Variants in SAMD5 observed in about 807,000 individuals in gnomAD.
SAMD5 encodes the protein sterile alpha motif domain-containing protein 5.
A neutral mutation model predicts 11.3 loss-of-function variants in SAMD5; 13 were observed. The observed-to-expected ratio is 1.15, with a 90% CI of 0.75 to 1.83. The LOEUF is 1.83. Among genes scored for constraint, SAMD5 ranks in the 40% most tolerant of loss-of-function variants. The probability of loss-of-function intolerance (pLI) is 0.00; values close to 1 mark genes in which losing one functional copy is unlikely to be tolerated. For synonymous variants in SAMD5, 129 were observed against 111.3 expected (o/e 1.16, Z -1.00); for missense variants, 255 against 239.1 (o/e 1.07, Z -0.44).
At chr6:147,882,134 G>A in the SAMD5 span, among the ~76,000 whole-genome samples, 3 of 152,036 alleles carry the variant, frequency 2.0e-5, no homozygotes, top group Admixed American at 6.6e-5. Flanking sequence ...CAGTTGTAGC[G>A]GCTTTCTTTT....
the SAMD5 span, among the ~76,000 whole-genome samples, chr6:147,936,558 C>G: frequency 6.6e-6 from 1 of 152,078 alleles, no homozygotes. Flanking sequence ...GAGAAATTCA[C>G]CCCCGTGATC....
chr6:147,531,587 G>T (rs1788430970), intron 1 of SAMD5, among the ~76,000 whole-genome samples: 2 of 152,088 alleles, frequency 1.3e-5, no homozygotes, highest in African/African-American at 4.8e-5. Context: ...TTTTCATTTT[G>T]CCCATCAGTG....
chr6:147,775,104 C>T, the SAMD5 span, among the ~76,000 whole-genome samples: 3 of 152,068 alleles, frequency 2.0e-5, no homozygotes, highest in East Asian at 1.9e-4. Flanking sequence ...TTGATTTTAT[C>T]GGGCTTATGT....
intron 1 of SAMD5, among the ~76,000 whole-genome samples, chr6:147,667,174 G>A (rs1790734638): frequency 6.6e-6 from 1 of 152,170 alleles, no homozygotes; most frequent in African/African-American, 2.4e-5. Context: ...AGTTTACAGA[G>A]ATAAGCATAA....
At chr6:147,648,977 A>G (rs1790444293) in intron 1 of SAMD5, among the ~76,000 whole-genome samples, 1 of 152,368 alleles carries the variant, frequency 6.6e-6, no homozygotes, top group Middle Eastern at 3.4e-3. Context: ...CCCTGCAATG[A>G]AGAATTAATC....
chr6:147,553,519 CT>C (rs1427554130), intron 1 of SAMD5, among the ~76,000 whole-genome samples: 1 of 152,188 alleles, frequency 6.6e-6, no homozygotes, highest in Non-Finnish European at 1.5e-5. Flanking sequence ...TACAACCACT[CT>C]GGACCCACGC....
At chr6:147,680,888 T>A (rs1790931025) in intron 1 of SAMD5, among the ~76,000 whole-genome samples, 1 of 152,166 alleles carries the variant, frequency 6.6e-6, no homozygotes, top group South Asian at 2.1e-4. Context: ...ATTACTGGAT[T>A]TGATTAGCTA....
the SAMD5 span, among the ~76,000 whole-genome samples, chr6:147,752,199 C>T: frequency 6.6e-6 from 1 of 152,062 alleles, no homozygotes; most frequent in Non-Finnish European, 1.5e-5. Context: ...TGATATGTCC[C>T]TCTGACAAGT....
chr6:147,786,357 A>G, the SAMD5 span, among the ~76,000 whole-genome samples: 1 of 152,198 alleles, frequency 6.6e-6, no homozygotes, highest in South Asian at 2.1e-4. Context: ...CTTGTTTTAT[A>G]GTGACGTTAT....
the SAMD5 span, among the ~76,000 whole-genome samples, chr6:147,811,362 AAG>A: frequency 2.6e-5 from 4 of 152,216 alleles, no homozygotes; most frequent in South Asian, 2.1e-4. Flanking sequence ...TATGGCAAGA[AAG>A]AGTATAGCAG....
intron 1 of SAMD5, among the ~76,000 whole-genome samples, chr6:147,708,188 C>G (rs551217386): frequency 6.6e-6 from 1 of 152,010 alleles, no homozygotes; most frequent in Non-Finnish European, 1.5e-5. Flanking sequence ...GCCAGGTGGG[C>G]CCTAATACAA....
At chr6:147,634,223 A>G (rs1365943512) in intron 1 of SAMD5, among the ~76,000 whole-genome samples, 1 of 152,318 alleles carries the variant, frequency 6.6e-6, no homozygotes, top group East Asian at 1.9e-4. Context: ...ACAGTTCTGC[A>G]GGCTGTACAG....
intron 1 of SAMD5, among the ~76,000 whole-genome samples, chr6:147,558,591 G>A (rs1258796126): frequency 6.6e-6 from 1 of 151,822 alleles, no homozygotes; most frequent in South Asian, 2.1e-4. Context: ...GGCTATTTTC[G>A]AATCTCCCCC....
intron 1 of SAMD5, among the ~76,000 whole-genome samples, chr6:147,644,620 A>C (rs1026860029): frequency 5.3e-5 from 8 of 152,286 alleles, no homozygotes; most frequent in Admixed American, 2.6e-4. Context: ...GAACTTGATA[A>C]AAAAAGTTTC....
At chr6:147,801,090 A>G in the SAMD5 span, among the ~76,000 whole-genome samples, 1 of 152,198 alleles carries the variant, frequency 6.6e-6, no homozygotes, top group Admixed American at 6.6e-5. Flanking sequence ...TGCTCTCCAC[A>G]TACGGTGCTC....
chr6:147,722,739 A>G (rs1791573373), intron 1 of SAMD5, among the ~76,000 whole-genome samples: 1 of 151,928 alleles, frequency 6.6e-6, no homozygotes, highest in Non-Finnish European at 1.5e-5. Context: ...GTTATTTTTG[A>G]TTGAATGTCA....
At chr6:147,886,240 T>G in the SAMD5 span, among the ~76,000 whole-genome samples, 1 of 152,164 alleles carries the variant, frequency 6.6e-6, no homozygotes, top group East Asian at 1.9e-4. Context: ...ATGCCAAAAT[T>G]GCATTCGATG....
At chr6:147,643,926 G>T (rs970430106) in intron 1 of SAMD5, among the ~76,000 whole-genome samples, 1 of 152,138 alleles carries the variant, frequency 6.6e-6, no homozygotes, top group African/African-American at 2.4e-5. Flanking sequence ...GGTTTGTCTG[G>T]GATCTCAACT....
intron 1 of SAMD5, among the ~76,000 whole-genome samples, chr6:147,582,543 C>T (rs1789314688): frequency 6.6e-6 from 1 of 152,160 alleles, no homozygotes; most frequent in Non-Finnish European, 1.5e-5. Flanking sequence ...GTGAGTTGTG[C>T]ATTTGAAGTC....
Sources: allele counts gnomAD v4.1 joint callset (sites outside exome capture counted in the v4.1 genomes callset), GRCh38; gene constraint gnomAD v4.1.1; transcripts MANE v1.5; gene names NCBI Gene and HGNC (gene_info 2026-07-23, HGNC 2026-07-21).